The following SELE variants were observed in gnomAD, a reference collection of about 807,000 sequenced individuals.
SELE encodes the protein E-selectin.
In SELE, 52 loss-of-function variants were observed where a neutral mutation model predicts 75.8. The ratio of observed to expected loss-of-function variants is 0.69; its 90% CI spans 0.55 to 0.86. The LOEUF (loss-of-function observed/expected upper bound fraction) is 0.86, where lower values mean the gene tolerates loss of function less well. Among genes scored for constraint, SELE ranks in the 40% least tolerant of loss-of-function variants. The pLI is 0.00. For missense variants in SELE, 754 were observed against 732.7 expected, an observed-to-expected ratio of 1.03 and a Z score of -0.34; for synonymous variants, 285 against 258.7, an observed-to-expected ratio of 1.10 and a Z score of -0.98.
At chr1:169,731,805 A>G (rs1222435680) in intron 4 of SELE, 30 bp downstream of exon 4, 7 of 1,469,874 alleles carry the variant, frequency 4.8e-6, no homozygotes, top group Non-Finnish European at 6.7e-6. Context: ...TACCATCTCA[A>G]GTGAAGAAAG....
intron 13 of SELE, among the ~76,000 whole-genome samples, chr1:169,725,436 C>G (rs1367398837): frequency 6.6e-6 from 1 of 151,680 alleles, no homozygotes; most frequent in East Asian, 1.9e-4. Flanking sequence ...AGTACCAGCC[C>G]CTATCTCAGA....
rs148912766 is a variant in SELE, at chr1:169,727,440, G to A, written c.1554C>T (p.Phe518=). Residue 518 remains phenylalanine, a synonymous_variant, in exon 10 of 14, where the codon TTC becomes TTT. Transcript: ENST00000333360. ...TGAGCGTCCATCCTTCAGGACAGGC[G>A]AACTTGCACACAGTGCCAAACACGG... ...GEPVFGTVCK[F]ACPEGWTLNG... 42 of 1,614,106 alleles carry A rather than the reference G, an allele frequency of 2.6e-5. No homozygotes were observed. Among genetic ancestry groups the A allele is most frequent in the African/African-American group, 2.3e-4 (17 of 75,032 alleles).
intron 3 of SELE, among the ~76,000 whole-genome samples, chr1:169,732,385 C>T (rs56362866): frequency 0.079 from 11,709 of 148,942 alleles, 550 homozygotes; most frequent in Middle Eastern, 0.11. Flanking sequence ...TATATATACA[C>T]ACACACATAT....
chr1:169,730,597 C>T lies in SELE; in HGVS notation c.550G>A (p.Glu184Lys), dbSNP rs886365426. 18 of 1,613,706 alleles carry T rather than the reference C, an allele frequency of 1.1e-5. No individual in the cohort carries two copies. The highest frequency in any genetic ancestry group is 1.5e-5 in the Non-Finnish European group (18 of 1,179,888). ...CEQIVNCTAL[E>K]SPEHGSLVCS... ...ACCAGGCTTCCATGCTCAGGGGATTCCAGGGCTGTACAGTTCACAACTGAA... is the reference window on the plus strand; with the variant it reads ...ACCAGGCTTCCATGCTCAGGGGATTTCAGGGCTGTACAGTTCACAACTGAA... The change falls in exon 5 of 14, where the codon GAA (glutamate) becomes AAA (lysine). Residue 184 changes from glutamate (E) to lysine (K), a missense_variant. Glu to Lys is a moderately conservative substitution (Grantham distance 56). Coordinates refer to ENST00000333360, the MANE Select transcript of SELE (RefSeq NM_000450.2).
rs1306465009 is a variant in SELE, at chr1:169,728,154, C to A, written c.1183G>T (p.Glu395Ter). The A allele has an allele frequency of 6.2e-7, 1 of 1,614,222 alleles. No homozygotes were observed. The highest frequency in any genetic ancestry group is 8.5e-7 in the Non-Finnish European group (1 of 1,180,034). The change falls in exon 8 of 14, where the codon GAG becomes TAG. Residue 395 changes from glutamate to a stop codon, truncating the protein, a stop_gained. Transcript: ENST00000333360. LOFTEE classifies it high-confidence loss of function. The part of the protein sequence containing the change: ...SGSFRYGSSC[E>*]FSCEQGFVLK... Reference sequence around the variant, plus strand: ...ACAAAACCCTGCTCACAGGAGAACTCACAGCTGGACCCATAACGGAAACTG... The same window carrying A: ...ACAAAACCCTGCTCACAGGAGAACTAACAGCTGGACCCATAACGGAAACTG...
chr1:169,733,352 T>G (rs77114906), intron 2 of SELE, among the ~76,000 whole-genome samples: 11,843 of 152,110 alleles, frequency 0.078, 558 homozygotes, highest in Middle Eastern at 0.11. Context: ...TCACAATGCA[T>G]CTGGGAAATA....
intron 4 of SELE, chr1:169,731,443 A>G (rs1221826608): frequency 1.7e-4 from 29 of 169,952 alleles, no homozygotes. Flanking sequence ...TCTGTAACTC[A>G]CTCATTTCTA....
At position 169,729,485 on chromosome 1, in the gene SELE, T is replaced by C; in HGVS notation, c.901+3A>G. The C allele has an allele frequency of 6.2e-7, 1 of 1,613,790 alleles. No homozygotes were observed. On this transcript the variant is annotated splice_donor_region_variant and intron_variant, in intron 6 of 13. Transcript: ENST00000333360. Reference sequence around the variant, plus strand: ...AGTAAGTCTCCATGTGGAACAACTCTACCTTTACACGTTGGCTTCTCGTTG... The same window carrying C: ...AGTAAGTCTCCATGTGGAACAACTCCACCTTTACACGTTGGCTTCTCGTTG...
chr1:169,729,470 C>G lies in SELE; in HGVS notation c.901+18G>C. ...AGAAAGAATGTTCACAGTAAGTCTC[C>G]ATGTGGAACAACTCTACCTTTACAC... is the stretch of plus-strand genomic sequence containing the variant. On this transcript the variant is annotated intron_variant, in intron 6 of 13. Transcript: ENST00000333360. The G allele has an allele frequency of 6.2e-7, 1 of 1,612,666 alleles. No individual in the cohort carries two copies. The highest frequency in any genetic ancestry group is 1.3e-5 in the African/African-American group (1 of 75,018).
In SELE at chr1:169,733,663, G is replaced by A; in HGVS notation, c.-48-3C>T. The A allele has an allele frequency of 6.4e-7, 1 of 1,563,410 alleles. No individual in the cohort carries two copies. The highest frequency in any genetic ancestry group is 8.8e-7 in the Non-Finnish European group (1 of 1,134,150). On this transcript the variant is annotated splice_region_variant and splice_polypyrimidine_tract_variant and intron_variant, in intron 1 of 13. Coordinates refer to ENST00000333360, the MANE Select transcript of SELE (RefSeq NM_000450.2). ...AGGTTTAGGCTTGAAATACTTTCCT[G>A]GGGAGATAAAACACAAAATGAATTA...
At chr1:169,733,906 G>C (rs950310192) in intron 1 of SELE, 65 bp downstream of exon 1, 40 of 437,752 alleles carry the variant, frequency 9.1e-5, no homozygotes, top group Non-Finnish European at 1.4e-4. Context: ...GTTTTTATTA[G>C]AAGGCCTTTT....
At position 169,726,746 on chromosome 1, in the gene SELE, A is replaced by G. The variant is rs763720860; in HGVS notation, c.1706T>C (p.Leu569Pro). ...CCAGAGGAGAAATGGTGCTAATGTC[A>G]GGAGGGAGAGTCCAGCAGCAGAAAG... ...AGLSAAGLSL[L>P]TLAPFLLWLR... The change falls in exon 11 of 14, where the codon CTG (leucine) becomes CCG (proline). Residue 569 changes from leucine to proline, a missense_variant. By Grantham distance (98) the Leu-to-Pro change is moderately conservative (BLOSUM62 -3). Coordinates refer to ENST00000333360, the MANE Select transcript of SELE (RefSeq NM_000450.2). The G allele has an allele frequency of 6.2e-7, 1 of 1,613,968 alleles. No individual in the cohort carries two copies. The highest frequency in any genetic ancestry group is 2.2e-5 in the East Asian group (1 of 44,866).
chr1:169,727,301 C>T (rs1446368125), intron 10 of SELE, 48 bp downstream of exon 10: 1 of 1,567,686 alleles, frequency 6.4e-7, no homozygotes, highest in African/African-American at 1.4e-5. Flanking sequence ...GATAGCTCCC[C>T]CTTTTTCTTT....
In SELE at chr1:169,732,807, C is replaced by G. The variant is rs1413729150; in HGVS notation, c.229G>C (p.Val77Leu). The change falls in exon 3 of 14, where the codon GTC (valine) becomes CTC (leucine). Residue 77 changes from valine to leucine, a missense_variant. By Grantham distance (32) the Val-to-Leu change is conservative. Transcript: ENST00000333360. ...PSYYWIGIRK[V>L]NNVWVWVGTQ... is the part of the protein sequence containing the mutation. ...CCTACCCAGACCCACACATTGTTGA[C>G]TTTTCTGATTCCAATCCAGTAATAA... The G allele has an allele frequency of 1.6e-5, 26 of 1,614,024 alleles. No homozygotes were observed. Among genetic ancestry groups the G allele is most frequent in the Non-Finnish European group, 2.1e-5 (25 of 1,180,028 alleles).
chr1:169,726,431 A>C (rs771865352), intron 11 of SELE, among the ~76,000 whole-genome samples: 4 of 152,190 alleles, frequency 2.6e-5, no homozygotes, highest in African/African-American at 4.8e-5. Flanking sequence ...GTTCCATTGC[A>C]CAATTCCGGG....
At position 169,723,512 on chromosome 1, in the gene SELE, T is replaced by C. The variant is rs1219908277; in HGVS notation, c.*1013A>G. On this transcript the variant is annotated 3_prime_UTR_variant, in exon 14 of 14. Coordinates refer to ENST00000333360, the MANE Select transcript of SELE (RefSeq NM_000450.2). ...TTTTATTAGTTCAAAACGTTTGGCC[T>C]CATGGAAGTTTTTCATCGTGGAAAC... The C allele has an allele frequency of 6.6e-6, 1 of 152,244 alleles. No individual in the cohort carries two copies. Among genetic ancestry groups the C allele is most frequent in the Admixed American group, 6.5e-5 (1 of 15,286 alleles). 9.4% of individuals were successfully genotyped at this position (152,244 alleles called of 1,614,324 possible).
At position 169,723,664 on chromosome 1, in the gene SELE, A is replaced by G. The variant is rs944954068; in HGVS notation, c.*861T>C. On this transcript the variant is annotated 3_prime_UTR_variant, in exon 14 of 14. Coordinates refer to ENST00000333360, the MANE Select transcript of SELE (RefSeq NM_000450.2). ...TCAGAACTTTATTCTGGTTAACATC[A>G]TGCCTTGCTAGGGGACAATAGTTTC... The G allele has an allele frequency of 6.6e-6, 1 of 152,220 alleles. No homozygotes were observed. The highest frequency in any genetic ancestry group is 2.4e-5 in the African/African-American group (1 of 41,448). 9.4% of individuals were successfully genotyped at this position (152,220 alleles called of 1,614,324 possible).
At chr1:169,725,142 C>T (rs930016357) in intron 13 of SELE, among the ~76,000 whole-genome samples, 1 of 152,110 alleles carries the variant, frequency 6.6e-6, no homozygotes, top group African/African-American at 2.4e-5. Flanking sequence ...AATCCCAGCA[C>T]TTTGAGAGGC....
chr1:169,723,555 A>G lies in SELE; in HGVS notation c.*970T>C, dbSNP rs1451459555. ...GTGGAAACCACATATTTCTGAAAAAATATCTGACAATATACAAACCTTCCA... is the reference window on the plus strand; with the variant it reads ...GTGGAAACCACATATTTCTGAAAAAGTATCTGACAATATACAAACCTTCCA... On this transcript the variant is annotated 3_prime_UTR_variant, in exon 14 of 14. Coordinates refer to ENST00000333360, the MANE Select transcript of SELE (RefSeq NM_000450.2). The G allele has an allele frequency of 1.3e-5, 2 of 152,240 alleles. No individual in the cohort carries two copies. Among genetic ancestry groups the G allele is most frequent in the Non-Finnish European group, 2.9e-5 (2 of 68,038 alleles). 9.4% of individuals were successfully genotyped at this position (152,240 alleles called of 1,614,324 possible).
Sources: allele counts gnomAD v4.1 joint callset (sites outside exome capture counted in the v4.1 genomes callset), GRCh38; gene constraint gnomAD v4.1.1; transcripts MANE v1.5; gene names NCBI Gene and HGNC (gene_info 2026-07-23, HGNC 2026-07-21).